Variants in EEFSEC observed in about 807,000 individuals in gnomAD.
EEFSEC encodes eukaryotic elongation factor, selenocysteine-tRNA specific, also known as selenocysteine-specific elongation factor.
A neutral mutation model predicts 42.1 loss-of-function variants in EEFSEC; 43 were observed. The observed-to-expected ratio is 1.02, with a 90% CI of 0.80 to 1.32. EEFSEC has a LOEUF of 1.32. EEFSEC is among the 40% of genes most tolerant of loss of function. The pLI is 0.00. For missense variants in EEFSEC, 745 were observed against 803.6 expected (o/e 0.93, Z 0.88); for synonymous variants, 354 against 339.1 (o/e 1.04, Z -0.48).
chr3:128,333,947 T>C (rs2067161964), intron 4 of EEFSEC, among the ~76,000 whole-genome samples: 2 of 152,326 alleles, frequency 1.3e-5, no homozygotes, highest in Middle Eastern at 3.4e-3. Context: ...TCATTTGTTC[T>C]CTCATCCACT....
intron 5 of EEFSEC, among the ~76,000 whole-genome samples, chr3:128,342,869 A>G (rs981597518): frequency 6.6e-6 from 1 of 152,196 alleles, no homozygotes; most frequent in Non-Finnish European, 1.5e-5. Flanking sequence ...CACAGTGCTG[A>G]GTGGGAATCC....
intron 4 of EEFSEC, among the ~76,000 whole-genome samples, chr3:128,293,742 C>T (rs998447153): frequency 6.6e-6 from 1 of 151,394 alleles, no homozygotes; most frequent in Non-Finnish European, 1.5e-5. Flanking sequence ...AAAGTGCTGC[C>T]TTAGAATGCC....
intron 4 of EEFSEC, among the ~76,000 whole-genome samples, chr3:128,280,882 C>T (rs1434270234): frequency 6.6e-6 from 1 of 152,156 alleles, no homozygotes; most frequent in African/African-American, 2.4e-5. Context: ...TTCCCCTCCA[C>T]ACTCCCCTCC....
intron 4 of EEFSEC, among the ~76,000 whole-genome samples, chr3:128,288,810 C>T (rs554021259): frequency 6.6e-6 from 1 of 152,276 alleles, no homozygotes; most frequent in East Asian, 1.9e-4. Flanking sequence ...TTGGACTGGG[C>T]CAGTGAAGAC....
intron 4 of EEFSEC, among the ~76,000 whole-genome samples, chr3:128,338,350 C>T (rs545515511): frequency 1.3e-5 from 2 of 152,158 alleles, no homozygotes; most frequent in African/African-American, 4.8e-5. Context: ...TATGAGTTAT[C>T]GATAATGTAG....
intron 3 of EEFSEC, among the ~76,000 whole-genome samples, chr3:128,262,731 T>C (rs1036504802): frequency 1.3e-5 from 2 of 152,164 alleles, no homozygotes; most frequent in African/African-American, 4.8e-5. Context: ...TCGGAAGCTG[T>C]GGGGCTGAGG....
At chr3:128,424,123 C>T in the EEFSEC span, among the ~76,000 whole-genome samples, 1 of 152,198 alleles carries the variant, frequency 6.6e-6, no homozygotes, top group African/African-American at 2.4e-5. Context: ...CCCAAAGACA[C>T]CTGGCCCCAA....
intron 6 of EEFSEC, among the ~76,000 whole-genome samples, chr3:128,393,531 T>G (rs1275497216): frequency 6.6e-6 from 1 of 152,174 alleles, no homozygotes; most frequent in Non-Finnish European, 1.5e-5. Flanking sequence ...AGCTGAGGCC[T>G]ATGCACTCCA....
intron 4 of EEFSEC, among the ~76,000 whole-genome samples, chr3:128,278,202 G>T (rs2066488803): frequency 6.6e-6 from 1 of 152,212 alleles, no homozygotes; most frequent in Admixed American, 6.5e-5. Flanking sequence ...CCTTTCTGGG[G>T]ACTAGTGGGG....
chr3:128,241,545 A>C (rs539613622), intron 1 of EEFSEC, among the ~76,000 whole-genome samples: 1 of 151,960 alleles, frequency 6.6e-6, no homozygotes, highest in Non-Finnish European at 1.5e-5. Context: ...GGGTTTCACT[A>C]TGTTGCCTAG....
At chr3:128,193,095 G>T (rs958029642) in intron 1 of EEFSEC, among the ~76,000 whole-genome samples, 1 of 152,144 alleles carries the variant, frequency 6.6e-6, no homozygotes. Flanking sequence ...CTGCAGGGTG[G>T]CCACACTCAG....
At chr3:128,398,822 C>T (rs1047346679) in intron 6 of EEFSEC, among the ~76,000 whole-genome samples, 4 of 151,528 alleles carry the variant, frequency 2.6e-5, no homozygotes, top group Non-Finnish European at 5.9e-5. Context: ...ATGCACCTCA[C>T]GGAGGCCTCA....
At chr3:128,288,028 T>C (rs1032070662) in intron 4 of EEFSEC, among the ~76,000 whole-genome samples, 1 of 151,806 alleles carries the variant, frequency 6.6e-6, no homozygotes, top group East Asian at 1.9e-4. Flanking sequence ...TGCCTTTCTT[T>C]CTTTTTCACT....
intron 1 of EEFSEC, among the ~76,000 whole-genome samples, chr3:128,201,217 A>G (rs2107817374): frequency 6.6e-6 from 1 of 152,292 alleles, no homozygotes; most frequent in East Asian, 1.9e-4. Flanking sequence ...TGTGTCACCT[A>G]AAATCTGGCA....
chr3:128,324,979 T>C (rs2067048277), intron 4 of EEFSEC, among the ~76,000 whole-genome samples: 1 of 152,216 alleles, frequency 6.6e-6, no homozygotes, highest in Non-Finnish European at 1.5e-5. Context: ...CCTTGACCTC[T>C]ATTTCATGGT....
chr3:128,390,698 G>A (rs372000033), intron 6 of EEFSEC, among the ~76,000 whole-genome samples: 21 of 152,288 alleles, frequency 1.4e-4, no homozygotes, highest in African/African-American at 5.1e-4. Context: ...AAGGCAGCCA[G>A]AGGGCCCCTG....
downstream of EEFSEC, among the ~76,000 whole-genome samples, chr3:128,410,603 ACCT>A (rs2068167174): frequency 6.6e-6 from 1 of 152,082 alleles, no homozygotes; most frequent in Admixed American, 6.5e-5. Context: ...AAGTTCCCTA[ACCT>A]CATGCCTCAG....
At chr3:128,225,238 G>T (rs2065897029) in intron 1 of EEFSEC, among the ~76,000 whole-genome samples, 1 of 152,198 alleles carries the variant, frequency 6.6e-6, no homozygotes, top group Admixed American at 6.5e-5. Context: ...GGTGTAAAGA[G>T]CTCTTTTCTG....
At chr3:128,242,178 G>T (rs1308102893) in intron 1 of EEFSEC, among the ~76,000 whole-genome samples, 1 of 152,004 alleles carries the variant, frequency 6.6e-6, no homozygotes, top group African/African-American at 2.4e-5. Context: ...AATAAGCTGG[G>T]TATGGTGGCA....
Sources: gnomAD v4.1 joint callset for allele counts (sites outside exome capture counted in the v4.1 genomes callset) on GRCh38, gnomAD v4.1.1 for gene constraint, MANE v1.5 for transcripts, NCBI Gene and HGNC (gene_info 2026-07-23, HGNC 2026-07-21) for gene names.